LYPD6: variants seen among roughly 807,000 people sequenced by gnomAD.
LYPD6 encodes LY6/PLAUR domain containing 6.
Under a neutral mutation model 22.7 loss-of-function variants are expected in LYPD6, and 15 were observed. The ratio of observed to expected loss-of-function variants is 0.66; its 90% CI spans 0.44 to 1.02. The LOEUF (loss-of-function observed/expected upper bound fraction) is 1.02. Among genes scored for constraint, LYPD6 ranks in the 50% least tolerant of loss-of-function variants. The probability of loss-of-function intolerance (pLI) is 0.00; values close to 1 mark genes in which losing one functional copy is unlikely to be tolerated. For synonymous variants in LYPD6, 72 were observed against 77.5 expected (o/e 0.93, Z 0.37); for missense variants, 189 against 208.4 (o/e 0.91, Z 0.57).
chr2:149,438,417 TTC>T (rs1683483911), intron 2 of LYPD6, among the ~76,000 whole-genome samples: 2 of 152,252 alleles, frequency 1.3e-5, no homozygotes, highest in Non-Finnish European at 2.9e-5. Flanking sequence ...GCTGCAGACA[TTC>T]TAAGGATCAC....
At chr2:149,480,997 C>T in the LYPD6 span, among the ~76,000 whole-genome samples, 1 of 152,242 alleles carries the variant, frequency 6.6e-6, no homozygotes, top group African/African-American at 2.4e-5. Context: ...TTCAAGCCTG[C>T]ATCTGTCACC....
chr2:149,432,240 A>T (rs1346445757), intron 1 of LYPD6, among the ~76,000 whole-genome samples: 1 of 152,178 alleles, frequency 6.6e-6, no homozygotes, highest in Non-Finnish European at 1.5e-5. Flanking sequence ...CAGCAGTTCC[A>T]CTCCTGCATA....
At chr2:149,451,052 T>C (rs750020313) in intron 3 of LYPD6, among the ~76,000 whole-genome samples, 2 of 152,230 alleles carry the variant, frequency 1.3e-5, no homozygotes, top group Non-Finnish European at 2.9e-5. Context: ...TGTGATGCTG[T>C]CATAAAATAC....
At chr2:149,431,236 T>C (rs1217037276) in intron 1 of LYPD6, among the ~76,000 whole-genome samples, 1 of 152,210 alleles carries the variant, frequency 6.6e-6, no homozygotes, top group African/African-American at 2.4e-5. Flanking sequence ...CGATCTGCAG[T>C]GCATATTCAA....
chr2:149,467,530 A>G (rs769774906), intron 3 of LYPD6, among the ~76,000 whole-genome samples: 25 of 152,226 alleles, frequency 1.6e-4, no homozygotes, highest in Non-Finnish European at 2.2e-4. Flanking sequence ...TTCTTTGGAC[A>G]TTAGTTCTTC....
intron 1 of LYPD6, among the ~76,000 whole-genome samples, chr2:149,341,931 C>T (rs779927359): frequency 2.0e-5 from 3 of 152,270 alleles, no homozygotes; most frequent in African/African-American, 4.8e-5. Flanking sequence ...ACAGGGAAAC[C>T]ATAGCAGATT....
chr2:149,425,991 T>C (rs749701804), intron 1 of LYPD6, among the ~76,000 whole-genome samples: 2 of 152,224 alleles, frequency 1.3e-5, no homozygotes, highest in Non-Finnish European at 2.9e-5. Context: ...CACACATAGA[T>C]TTGTTTTTAA....
intron 1 of LYPD6, among the ~76,000 whole-genome samples, chr2:149,408,810 A>G (rs1173979715): frequency 1.3e-5 from 2 of 152,064 alleles, no homozygotes; most frequent in Non-Finnish European, 1.5e-5. Flanking sequence ...TTCCTTTTAT[A>G]TCCCGTACCA....
chr2:149,446,377 A>G (rs1683688055), intron 2 of LYPD6, among the ~76,000 whole-genome samples: 1 of 152,240 alleles, frequency 6.6e-6, no homozygotes, highest in African/African-American at 2.4e-5. Context: ...CAAAACTTCA[A>G]TTTGTAAAAA....
At chr2:149,351,644 C>T (rs1476554923) in intron 1 of LYPD6, among the ~76,000 whole-genome samples, 1 of 152,034 alleles carries the variant, frequency 6.6e-6, no homozygotes, top group African/African-American at 2.4e-5. Context: ...CTACCATGCA[C>T]CTTCACGTAA....
chr2:149,481,763 A>C, the LYPD6 span, among the ~76,000 whole-genome samples: 1 of 152,258 alleles, frequency 6.6e-6, no homozygotes, highest in Admixed American at 6.5e-5. Context: ...GGAGAAAATA[A>C]GCCAAAATTC....
chr2:149,485,716 G>A, the LYPD6 span, among the ~76,000 whole-genome samples: 2 of 152,112 alleles, frequency 1.3e-5, no homozygotes, highest in Admixed American at 1.3e-4. Context: ...CATATTTATA[G>A]GTTTTATCTT....
chr2:149,337,307 C>A (rs1034022918), intron 1 of LYPD6, among the ~76,000 whole-genome samples: 5 of 152,082 alleles, frequency 3.3e-5, no homozygotes, highest in African/African-American at 1.2e-4. Flanking sequence ...CCATTGTATC[C>A]TCTGAGGTCA....
In LYPD6 at chr2:149,464,615, CA is replaced by C. The variant is rs1681161969; in HGVS notation, c.218-4028del. The C allele has an allele frequency of 2.0e-5, 3 of 152,424 alleles. No homozygotes were observed. In the South Asian group the frequency reaches 6.2e-4, roughly 32 times the overall value. 9.4% of individuals were successfully genotyped at this position (152,424 alleles called of 1,614,324 possible). A position where few individuals can be genotyped will look rare whatever the true frequency, so the allele number is the denominator to read the frequency against. On this transcript the variant is annotated intron_variant, in intron 3 of 4. Coordinates refer to ENST00000334166, the MANE Select transcript of LYPD6 (RefSeq NM_194317.5). Reference sequence around the variant, plus strand: ...AGCAGAGAGAGCAATGGCCTATTCCCAAGCCACTCAGGCAGGCCAAATAAGC... The same window carrying C: ...AGCAGAGAGAGCAATGGCCTATTCCCAGCCACTCAGGCAGGCCAAATAAGC...
intron 1 of LYPD6, among the ~76,000 whole-genome samples, chr2:149,424,308 G>T (rs1462245024): frequency 4.6e-5 from 7 of 152,162 alleles, no homozygotes; most frequent in Non-Finnish European, 8.8e-5. Flanking sequence ...TTAGTAAAAA[G>T]TATGTCATCT....
At chr2:149,371,973 T>A (rs1262473058) in intron 1 of LYPD6, among the ~76,000 whole-genome samples, 1 of 152,018 alleles carries the variant, frequency 6.6e-6, no homozygotes, top group Non-Finnish European at 1.5e-5. Flanking sequence ...CTTCCAAAAT[T>A]CCAAACCCAG....
In LYPD6 at chr2:149,472,506, C is replaced by T. The variant is rs556604338; in HGVS notation, c.*1656C>T. On this transcript the variant is annotated 3_prime_UTR_variant, in exon 5 of 5. Transcript: ENST00000334166. ...TCTCTGGCTCATAAAATGAGACTCC[C>T]TCAGGGACTAAATATGAACTGACAG... is the stretch of plus-strand genomic sequence containing the variant. The T allele has an allele frequency of 6.5e-6, 1 of 152,740 alleles. No individual in the cohort carries two copies. Among genetic ancestry groups the T allele is most frequent in the South Asian group, 2.1e-4 (1 of 4,830 alleles). 9.5% of individuals were successfully genotyped at this position (152,740 alleles called of 1,614,324 possible).
intron 1 of LYPD6, among the ~76,000 whole-genome samples, chr2:149,431,325 A>G (rs1444000989): frequency 6.6e-6 from 1 of 152,212 alleles, no homozygotes; most frequent in African/African-American, 2.4e-5. Context: ...GATTCTGTGG[A>G]AAAGCATCAA....
At chr2:149,333,788 A>G (rs1680982721) in intron 1 of LYPD6, among the ~76,000 whole-genome samples, 1 of 152,202 alleles carries the variant, frequency 6.6e-6, no homozygotes, top group South Asian at 2.1e-4. Flanking sequence ...TTGGTATCAT[A>G]CATTCTTTCA....
Sources: gnomAD v4.1 joint callset for allele counts (sites outside exome capture counted in the v4.1 genomes callset) on GRCh38, gnomAD v4.1.1 for gene constraint, MANE v1.5 for transcripts, NCBI Gene and HGNC (gene_info 2026-07-23, HGNC 2026-07-21) for gene names.